LRMDA: variants seen among roughly 807,000 people sequenced by gnomAD.
LRMDA encodes the protein leucine rich melanocyte differentiation associated, also known as leucine-rich melanocyte differentiation-associated protein.
In LRMDA, 18 loss-of-function variants were observed where a neutral mutation model predicts 29.8. The ratio of observed to expected loss-of-function variants is 0.60; its 90% CI spans 0.42 to 0.90. The LOEUF (loss-of-function observed/expected upper bound fraction) is 0.90, where lower values mean the gene tolerates loss of function less well. Among genes scored for constraint, LRMDA ranks in the 40% least tolerant of loss-of-function variants. LRMDA has a pLI of 0.00. For synonymous variants in LRMDA, 125 were observed against 109.4 expected (o/e 1.14, Z -0.89); for missense variants, 273 against 273.9 (o/e 1.00, Z 0.02).
At chr10:75,893,157 G>A (rs552295203) in intron 2 of LRMDA, among the ~76,000 whole-genome samples, 22 of 152,220 alleles carry the variant, frequency 1.4e-4, no homozygotes, top group Non-Finnish European at 2.9e-4. Context: ...TCTTAGTGAC[G>A]ACCTGGTGAT....
At chr10:76,468,089 G>C (rs1842581552) in intron 6 of LRMDA, among the ~76,000 whole-genome samples, 1 of 152,082 alleles carries the variant, frequency 6.6e-6, no homozygotes, top group Admixed American at 6.6e-5. Context: ...TTTAATGATA[G>C]GTCACAAGGG....
intron 5 of LRMDA, among the ~76,000 whole-genome samples, chr10:76,220,382 TAAA>T (rs1441292908): frequency 2.7e-5 from 4 of 150,602 alleles, no homozygotes; most frequent in Admixed American, 2.6e-4. Context: ...GCAAGACTAA[TAAA>T]GAAGAAAAGA....
At chr10:76,041,386 C>G (rs1848335752) in intron 3 of LRMDA, among the ~76,000 whole-genome samples, 1 of 152,184 alleles carries the variant, frequency 6.6e-6, no homozygotes. Flanking sequence ...GGGTTTAAAT[C>G]CAGACTCTAT....
chr10:76,237,271 G>T (rs1174355192), intron 5 of LRMDA, among the ~76,000 whole-genome samples: 1 of 152,230 alleles, frequency 6.6e-6, no homozygotes, highest in South Asian at 2.1e-4. Flanking sequence ...ATATATGTCA[G>T]ATATTATACA....
intron 2 of LRMDA, among the ~76,000 whole-genome samples, chr10:75,616,873 C>T (rs1424998979): frequency 6.6e-6 from 1 of 152,220 alleles, no homozygotes; most frequent in Non-Finnish European, 1.5e-5. Context: ...ACCAGATTCT[C>T]TCTGCCAGGG....
chr10:76,144,174 G>T (rs1261465208), intron 5 of LRMDA, among the ~76,000 whole-genome samples: 1 of 152,134 alleles, frequency 6.6e-6, no homozygotes, highest in Non-Finnish European at 1.5e-5. Flanking sequence ...TGGCGATGCG[G>T]GCTCTTTTTT....
At chr10:76,220,641 C>A (rs1235092865) in intron 5 of LRMDA, among the ~76,000 whole-genome samples, 2 of 152,056 alleles carry the variant, frequency 1.3e-5, no homozygotes, top group Non-Finnish European at 2.9e-5. Flanking sequence ...AACTTACCAA[C>A]CAAAAAGAGT....
At chr10:76,039,699 G>C (rs537035168) in intron 3 of LRMDA, among the ~76,000 whole-genome samples, 1 of 152,202 alleles carries the variant, frequency 6.6e-6, no homozygotes, top group Non-Finnish European at 1.5e-5. Context: ...TTTTCTGCAT[G>C]ACCTTGGGCA....
intron 5 of LRMDA, among the ~76,000 whole-genome samples, chr10:76,288,621 G>A (rs971788055): frequency 6.6e-6 from 1 of 152,196 alleles, no homozygotes; most frequent in Non-Finnish European, 1.5e-5. Flanking sequence ...GGGGCCTAGT[G>A]CAGGAGCTCA....
At chr10:76,268,176 A>G (rs1214931716) in intron 5 of LRMDA, among the ~76,000 whole-genome samples, 1 of 152,208 alleles carries the variant, frequency 6.6e-6, no homozygotes. Flanking sequence ...GGCCAAGGTT[A>G]ACCCTAACCC....
At chr10:76,316,179 T>C (rs1023551717) in intron 5 of LRMDA, among the ~76,000 whole-genome samples, 9 of 152,172 alleles carry the variant, frequency 5.9e-5, no homozygotes, top group African/African-American at 2.2e-4. Flanking sequence ...AGCCCAGACC[T>C]AGGGGCTCTC....
intron 2 of LRMDA, among the ~76,000 whole-genome samples, chr10:75,835,991 A>G (rs1316385757): frequency 4.6e-5 from 7 of 152,210 alleles, no homozygotes; most frequent in African/African-American, 7.2e-5. Flanking sequence ...ATGGAAAAGC[A>G]TTATCAAGCA....
chr10:75,751,631 G>A (rs1433423937), intron 2 of LRMDA, among the ~76,000 whole-genome samples: 1 of 152,110 alleles, frequency 6.6e-6, no homozygotes, highest in Non-Finnish European at 1.5e-5. Flanking sequence ...CCAAATAAAT[G>A]TTGGTGGCTA....
chr10:76,022,619 C>G (rs911607077), intron 2 of LRMDA, among the ~76,000 whole-genome samples: 1 of 152,176 alleles, frequency 6.6e-6, no homozygotes, highest in African/African-American at 2.4e-5. Flanking sequence ...CAGAGAGCAC[C>G]TAGCATGGTA....
chr10:76,005,226 GCTTT>G (rs1278924339), intron 2 of LRMDA, among the ~76,000 whole-genome samples: 1 of 151,896 alleles, frequency 6.6e-6, no homozygotes, highest in African/African-American at 2.4e-5. Flanking sequence ...TGTACTATGT[GCTTT>G]CTCTTTACAA....
intron 2 of LRMDA, among the ~76,000 whole-genome samples, chr10:75,972,358 TCCTCTATGGTGTCCC>T (rs1406560972): frequency 6.6e-6 from 1 of 152,106 alleles, no homozygotes; most frequent in African/African-American, 2.4e-5. Flanking sequence ...GCTGACATTT[TCCTCTATGGTGTCCC>T]AAGGAAAAAA....
chr10:76,390,727 G>T (rs1376160317), intron 6 of LRMDA, among the ~76,000 whole-genome samples: 3 of 152,070 alleles, frequency 2.0e-5, no homozygotes, highest in Non-Finnish European at 2.9e-5. Context: ...GGTACAGTAG[G>T]GGGTAGGGGA....
At chr10:75,474,561 T>A (rs953871859) in intron 2 of LRMDA, among the ~76,000 whole-genome samples, 1 of 152,188 alleles carries the variant, frequency 6.6e-6, no homozygotes, top group African/African-American at 2.4e-5. Flanking sequence ...ACATGTGAAT[T>A]TCAGGGAAGG....
intron 2 of LRMDA, among the ~76,000 whole-genome samples, chr10:75,991,146 T>C (rs1847361450): frequency 6.6e-6 from 1 of 152,128 alleles, no homozygotes; most frequent in African/African-American, 2.4e-5. Context: ...CAGAGCAGGA[T>C]TGGAAAATAC....
Sources: allele counts gnomAD v4.1 joint callset (sites outside exome capture counted in the v4.1 genomes callset), GRCh38; gene constraint gnomAD v4.1.1; transcripts MANE v1.5; gene names NCBI Gene and HGNC (gene_info 2026-07-23, HGNC 2026-07-21).